EIF3H: variants seen among roughly 807,000 people sequenced by gnomAD.
EIF3H encodes eIF-3-gamma.
Under a neutral mutation model 44.2 loss-of-function variants are expected in EIF3H, and 26 were observed. That is an observed-to-expected ratio of 0.59 (90% CI 0.43 to 0.82). EIF3H has a LOEUF of 0.82. EIF3H is among the 40% of genes least tolerant of loss of function. The pLI is 0.00. For synonymous variants in EIF3H, 166 were observed against 151.9 expected (o/e 1.09, Z -0.68); for missense variants, 359 against 432.8 (o/e 0.83, Z 1.51).
intron 2 of EIF3H, among the ~76,000 whole-genome samples, chr8:116,677,672 C>T (rs1449143104): frequency 1.3e-5 from 2 of 152,204 alleles, no homozygotes; most frequent in Non-Finnish European, 2.9e-5. Context: ...AAGGTAGGTA[C>T]ATTTTTCCAA....
chr8:116,753,032 A>C (rs1271965955), intron 1 of EIF3H, among the ~76,000 whole-genome samples: 2 of 152,194 alleles, frequency 1.3e-5, no homozygotes, highest in Non-Finnish European at 2.9e-5. Flanking sequence ...CTGTATTAAC[A>C]ATGTAAAACG....
At position 116,755,732 on chromosome 8, in the gene EIF3H, T is replaced by C; in HGVS notation, c.66A>G (p.Ala22=). 6.2e-7 allele frequency: 1 copy of C among 1,614,174 alleles called. No homozygotes were observed. Among genetic ancestry groups the C allele is most frequent in the Non-Finnish European group, 8.5e-7 (1 of 1,180,036 alleles). Residue 22 remains alanine, a synonymous_variant, in exon 1 of 8, where the codon GCA becomes GCG. Coordinates refer to ENST00000521861, the MANE Select transcript of EIF3H (RefSeq NM_003756.3). ...ATSSSSTAGA[A]GKGKGKGGSG... ...AGCCGCCTTTGCCTTTGCCTTTCCC[T>C]GCTGCGCCGGCGGTGGAGCTGGAAG...
chr8:116,719,622 T>G (rs1264224038), intron 2 of EIF3H, among the ~76,000 whole-genome samples: 1 of 152,136 alleles, frequency 6.6e-6, no homozygotes, highest in African/African-American at 2.4e-5. Flanking sequence ...TCAGAAAATT[T>G]ATGAATATTT....
At chr8:116,680,196 G>C (rs1340853213) in intron 2 of EIF3H, among the ~76,000 whole-genome samples, 1 of 33,466 alleles carries the variant, frequency 3.0e-5, no homozygotes, top group Non-Finnish European at 9.5e-5. Flanking sequence ...CTTCCGGGAG[G>C]GTGGGGGGGG....
chr8:116,659,678 T>C (rs1011867568), intron 2 of EIF3H, among the ~76,000 whole-genome samples: 1 of 152,218 alleles, frequency 6.6e-6, no homozygotes, highest in Non-Finnish European at 1.5e-5. Flanking sequence ...TTTAGTGACT[T>C]TTACTTTTGT....
intron 1 of EIF3H, among the ~76,000 whole-genome samples, chr8:116,739,598 C>T (rs1321967241): frequency 2.0e-5 from 3 of 152,114 alleles, no homozygotes; most frequent in East Asian, 3.9e-4. Context: ...TGCAGTGAGC[C>T]GAGATGGTGC....
At chr8:116,666,593 T>C (rs895916655) in intron 2 of EIF3H, among the ~76,000 whole-genome samples, 2 of 151,972 alleles carry the variant, frequency 1.3e-5, no homozygotes, top group East Asian at 1.9e-4. Context: ...GTTAATTCTA[T>C]GTCATTTGAG....
intron 3 of EIF3H, 112 bp downstream of exon 3, chr8:116,658,701 T>A (rs955812054): frequency 1.0e-5 from 10 of 989,032 alleles, no homozygotes; most frequent in Admixed American, 2.7e-5. Flanking sequence ...GAAACAGGGT[T>A]GGTATTTACT....
At chr8:116,684,781 A>G (rs1692020257) in intron 2 of EIF3H, among the ~76,000 whole-genome samples, 2 of 152,214 alleles carry the variant, frequency 1.3e-5, no homozygotes, top group Non-Finnish European at 2.9e-5. Context: ...AGCATTTTAC[A>G]GTGTTTATAA....
Position 116,703,878 on chromosome 8 carries a change from C to A in EIF3H, c.289+22138G>T, listed in dbSNP as rs1404273675. On this transcript the variant is annotated intron_variant, in intron 2 of 7. Coordinates refer to ENST00000521861, the MANE Select transcript of EIF3H (RefSeq NM_003756.3). ...ATTTCTACCATCTCTCGTCTCTGCA[C>A]ACGAAGAGAAAAACCCACAGGCCCA... Among the ~76,000 whole-genome samples the A allele has an allele frequency of 2.0e-5, 3 of 152,112 alleles. No homozygotes were observed. In the East Asian group the frequency reaches 5.8e-4, roughly 29 times the overall value.
chr8:116,715,222 T>G (rs1218747304), intron 2 of EIF3H, among the ~76,000 whole-genome samples: 1 of 152,086 alleles, frequency 6.6e-6, no homozygotes, highest in Non-Finnish European at 1.5e-5. Context: ...TCTGCTTTTC[T>G]TTTCAAAACT....
chr8:116,695,572 T>C (rs1283318679), intron 2 of EIF3H, among the ~76,000 whole-genome samples: 1 of 152,072 alleles, frequency 6.6e-6, no homozygotes, highest in Non-Finnish European at 1.5e-5. Context: ...ACTCATAAGA[T>C]AGTGGTTGTC....
intron 5 of EIF3H, among the ~76,000 whole-genome samples, chr8:116,653,186 T>G (rs1006796550): frequency 3.3e-5 from 5 of 152,168 alleles, no homozygotes; most frequent in African/African-American, 1.2e-4. Context: ...ACAGACCCAC[T>G]GTTTCTACCA....
chr8:116,648,656 GC>G (rs1379895378), intron 6 of EIF3H, 149 bp downstream of exon 6: 2 of 972,658 alleles, frequency 2.1e-6, no homozygotes, highest in African/African-American at 1.7e-5. Context: ...TTACAAACAT[GC>G]CATAAAAATA....
chr8:116,669,535 A>C (rs1230395014), intron 2 of EIF3H, among the ~76,000 whole-genome samples: 1 of 152,220 alleles, frequency 6.6e-6, no homozygotes, highest in Non-Finnish European at 1.5e-5. Context: ...GAATAGCTAA[A>C]GTAGGTTAAA....
At chr8:116,655,009 T>C (rs1813465672) in intron 5 of EIF3H, among the ~76,000 whole-genome samples, 1 of 152,060 alleles carries the variant, frequency 6.6e-6, no homozygotes, top group African/African-American at 2.4e-5. Flanking sequence ...CTTGTTTCTT[T>C]CAGCCAACAA....
chr8:116,706,440 C>T (rs912464808), intron 2 of EIF3H, among the ~76,000 whole-genome samples: 5 of 152,202 alleles, frequency 3.3e-5, no homozygotes, highest in African/African-American at 9.7e-5. Context: ...ATTCCAGGGA[C>T]TCTCCAAACA....
chr8:116,754,812 T>C (rs926325777), intron 1 of EIF3H, among the ~76,000 whole-genome samples: 3 of 152,234 alleles, frequency 2.0e-5, no homozygotes, highest in African/African-American at 4.8e-5. Context: ...CAGTTTCCAC[T>C]TAAAAATACC....
At chr8:116,745,511 C>T (rs778853830) in intron 1 of EIF3H, among the ~76,000 whole-genome samples, 6 of 152,186 alleles carry the variant, frequency 3.9e-5, no homozygotes, top group Non-Finnish European at 7.3e-5. Context: ...ATATATGTCA[C>T]GAACACAGTA....
Sources: allele counts gnomAD v4.1 joint callset (sites outside exome capture counted in the v4.1 genomes callset), GRCh38; gene constraint gnomAD v4.1.1; transcripts MANE v1.5; gene names NCBI Gene and HGNC (gene_info 2026-07-23, HGNC 2026-07-21).